Variants in SH3GL3 observed in about 807,000 individuals in gnomAD.
SH3GL3 encodes SH3 domain containing GRB2 like 3, endophilin A3, also known as endophilin-A3.
Under a neutral mutation model 47.7 loss-of-function variants are expected in SH3GL3, and 33 were observed. That is an observed-to-expected ratio of 0.69 (90% CI 0.52 to 0.92). The LOEUF (loss-of-function observed/expected upper bound fraction) is 0.92. Ranked by LOEUF, SH3GL3 falls within the 40% of genes least tolerant of loss-of-function variation. SH3GL3 has a pLI of 0.00. For missense variants in SH3GL3, 363 were observed against 417.8 expected (o/e 0.87, Z 1.14); for synonymous variants, 155 against 148.8 (o/e 1.04, Z -0.30).
intron 3 of SH3GL3, among the ~76,000 whole-genome samples, chr15:83,567,833 C>T (rs949224056): frequency 1.3e-5 from 2 of 152,112 alleles, no homozygotes; most frequent in Non-Finnish European, 2.9e-5. Flanking sequence ...CAGTGTCACA[C>T]AGGTGTCAGT....
At chr15:83,550,105 T>C (rs1319511074) in intron 1 of SH3GL3, among the ~76,000 whole-genome samples, 1 of 152,204 alleles carries the variant, frequency 6.6e-6, no homozygotes, top group Non-Finnish European at 1.5e-5. Flanking sequence ...CTTTCCCTAA[T>C]GTTAACAACT....
chr15:83,594,344 T>A (rs2060187124), intron 8 of SH3GL3, among the ~76,000 whole-genome samples: 1 of 152,252 alleles, frequency 6.6e-6, no homozygotes, highest in Non-Finnish European at 1.5e-5. Context: ...AAAGTTTTTT[T>A]AAATTAATTT....
chr15:83,560,188 A>G (rs2045192332), intron 2 of SH3GL3, among the ~76,000 whole-genome samples: 1 of 152,190 alleles, frequency 6.6e-6, no homozygotes, highest in Non-Finnish European at 1.5e-5. Flanking sequence ...TCAAGGCTGC[A>G]GATACAGTAG....
intron 1 of SH3GL3, among the ~76,000 whole-genome samples, chr15:83,466,097 G>T (rs1319458300): frequency 4.6e-5 from 7 of 151,880 alleles, no homozygotes; most frequent in African/African-American, 1.5e-4. Flanking sequence ...CTATAATTTT[G>T]TCATTGCAGG....
intron 1 of SH3GL3, among the ~76,000 whole-genome samples, chr15:83,513,454 G>A (rs566093291): frequency 2.0e-5 from 3 of 152,064 alleles, no homozygotes; most frequent in East Asian, 1.9e-4. Flanking sequence ...GTCCCTAGAC[G>A]TGCTGGACAT....
chr15:83,481,580 T>C (rs1471463940), intron 1 of SH3GL3, among the ~76,000 whole-genome samples: 1 of 152,180 alleles, frequency 6.6e-6, no homozygotes, highest in Non-Finnish European at 1.5e-5. Context: ...AGCTGAAATT[T>C]CAGGTTGGCA....
intron 1 of SH3GL3, among the ~76,000 whole-genome samples, chr15:83,520,569 G>A (rs985847638): frequency 1.3e-5 from 2 of 152,186 alleles, no homozygotes; most frequent in Non-Finnish European, 2.9e-5. Context: ...TGCAGTGGAG[G>A]TGAGGAGTGG....
intron 1 of SH3GL3, chr15:83,491,041 G>A: frequency 1.4e-6 from 2 of 1,435,256 alleles, no homozygotes; most frequent in Non-Finnish European, 1.9e-6. Context: ...TATTAGCAAG[G>A]AGTGATGATT....
chr15:83,623,055 C>T (rs1247629446), downstream of SH3GL3, among the ~76,000 whole-genome samples: 1 of 152,184 alleles, frequency 6.6e-6, no homozygotes, highest in African/African-American at 2.4e-5. Flanking sequence ...CTGCTATTTC[C>T]CCCAGACTAA....
chr15:83,517,205 CTTTTTT>C (rs36096315), intron 1 of SH3GL3, among the ~76,000 whole-genome samples: 11 of 109,690 alleles, frequency 1.0e-4, no homozygotes, highest in South Asian at 3.3e-4. Flanking sequence ...CTTTTCTTTT[CTTTTTT>C]TTTTTTTTTT....
intron 1 of SH3GL3, among the ~76,000 whole-genome samples, chr15:83,523,733 C>T (rs2043300276): frequency 6.6e-6 from 1 of 152,050 alleles, no homozygotes; most frequent in South Asian, 2.1e-4. Flanking sequence ...GTCTTCCTTT[C>T]CCCCTGCCTC....
intron 2 of SH3GL3, among the ~76,000 whole-genome samples, chr15:83,564,061 C>T (rs1239762191): frequency 6.6e-6 from 1 of 152,040 alleles, no homozygotes; most frequent in South Asian, 2.1e-4. Context: ...GAATTTTGGT[C>T]TTTTTATTTA....
intron 4 of SH3GL3, among the ~76,000 whole-genome samples, chr15:83,571,732 A>C (rs2045826105): frequency 6.6e-6 from 1 of 152,308 alleles, no homozygotes; most frequent in South Asian, 2.1e-4. Flanking sequence ...GGAGCAACCC[A>C]ATCTCCATCT....
intron 8 of SH3GL3, among the ~76,000 whole-genome samples, chr15:83,605,846 T>C (rs1035805199): frequency 2.6e-5 from 4 of 152,058 alleles, no homozygotes; most frequent in Non-Finnish European, 4.4e-5. Context: ...CCAGGAAACA[T>C]CCTTGAGTTG....
chr15:83,633,053 T>C, the SH3GL3 span, among the ~76,000 whole-genome samples: 1 of 152,188 alleles, frequency 6.6e-6, no homozygotes, highest in African/African-American at 2.4e-5. Context: ...ATACCAAGTA[T>C]TGGATAGGAA....
rs1567236171 is a variant in SH3GL3 at position 83,460,028 on chromosome 15, CCCT to C, written c.45+12453_45+12455del. ...CCCCTCCCCTCCCGTCCCCTCCCCT[CCCT>C]CCCTCCCTCCCTCCCTCCCTCCCTG... On this transcript the variant is annotated intron_variant, in intron 1 of 8. Transcript: ENST00000427482. Among the ~76,000 whole-genome samples the C allele has an allele frequency of 3.4e-4, 8 of 23,660 alleles. No individual in the cohort carries two copies. The East Asian group carries it at 7.1e-3, about 21-fold the overall frequency. 15.5% of individuals were successfully genotyped at this position (23,660 alleles called of 152,430 possible).
chr15:83,461,381 C>T (rs1293780966), intron 1 of SH3GL3, among the ~76,000 whole-genome samples: 1 of 152,122 alleles, frequency 6.6e-6, no homozygotes, highest in Non-Finnish European at 1.5e-5. Context: ...AACAGAGCAA[C>T]AGTTAATTAC....
At chr15:83,476,213 C>T (rs1596055956) in intron 1 of SH3GL3, among the ~76,000 whole-genome samples, 1 of 152,254 alleles carries the variant, frequency 6.6e-6, no homozygotes, top group East Asian at 1.9e-4. Flanking sequence ...GTAAAATTTG[C>T]TGAAGTTTAT....
chr15:83,597,740 C>CTTGGGATTACAGGTGCCTG (rs1472572682), intron 8 of SH3GL3, among the ~76,000 whole-genome samples: 5 of 151,758 alleles, frequency 3.3e-5, no homozygotes, highest in Non-Finnish European at 7.4e-5. Context: ...CTTCCGAGTA[C>CTTGGGATTACAGGTGCCTG]TTGGGATTAC....
Sources: gnomAD v4.1 joint callset for allele counts (sites outside exome capture counted in the v4.1 genomes callset) on GRCh38, gnomAD v4.1.1 for gene constraint, MANE v1.5 for transcripts, NCBI Gene and HGNC (gene_info 2026-07-23, HGNC 2026-07-21) for gene names.